Variants in MGAT4C observed in about 807,000 individuals in gnomAD.
MGAT4C encodes MGAT4 family member C.
In MGAT4C, 19 loss-of-function variants were observed where a neutral mutation model predicts 40.1. That is an observed-to-expected ratio of 0.47 (90% confidence interval 0.33 to 0.70). MGAT4C has a LOEUF of 0.70. Among genes scored for constraint, MGAT4C ranks in the 30% least tolerant of loss-of-function variants. MGAT4C has a pLI of 0.02. For synonymous variants in MGAT4C, 181 were observed against 187.1 expected, an observed-to-expected ratio of 0.97 and a Z score of 0.27; for missense variants, 491 against 563.2, an observed-to-expected ratio of 0.87 and a Z score of 1.30.
chr12:86,601,557 C>T (rs1459744231), intron 2 of MGAT4C, among the ~76,000 whole-genome samples: 1 of 152,070 alleles, frequency 6.6e-6, no homozygotes, highest in African/African-American at 2.4e-5. Flanking sequence ...CCTTGCTCAC[C>T]CTCCAATTGT....
intron 1 of MGAT4C, among the ~76,000 whole-genome samples, chr12:86,103,999 C>G (rs1875627893): frequency 6.6e-6 from 1 of 151,968 alleles, no homozygotes; most frequent in Non-Finnish European, 1.5e-5. Context: ...TAAAAGACCT[C>G]AAAAAGTAAA....
chr12:86,347,166 T>A (rs1955054810), intron 3 of MGAT4C, among the ~76,000 whole-genome samples: 1 of 152,148 alleles, frequency 6.6e-6, no homozygotes, highest in African/African-American at 2.4e-5. Context: ...GAGTCAATTC[T>A]CCATAACAAA....
chr12:86,168,878 C>T (rs1168147140), intron 1 of MGAT4C, among the ~76,000 whole-genome samples: 1 of 152,056 alleles, frequency 6.6e-6, no homozygotes, highest in African/African-American at 2.4e-5. Flanking sequence ...GGTCCCGTAC[C>T]ATTACAGCTT....
intron 1 of MGAT4C, among the ~76,000 whole-genome samples, chr12:86,772,639 C>CT (rs5799794): frequency 0.077 from 906 of 11,792 alleles, 14 homozygotes; most frequent in African/African-American, 0.11. Flanking sequence ...CCATGATGGT[C>CT]CAGAGGACTT....
chr12:86,792,130 C>T (rs35741311), intron 1 of MGAT4C, among the ~76,000 whole-genome samples: 14,700 of 152,132 alleles, frequency 0.097, 979 homozygotes, highest in Non-Finnish European at 0.14. Flanking sequence ...TTCTTACAGT[C>T]AGGTAAAATC....
chr12:86,583,669 A>T (rs921691291), intron 2 of MGAT4C, among the ~76,000 whole-genome samples: 4 of 151,230 alleles, frequency 2.6e-5, no homozygotes, highest in African/African-American at 9.7e-5. Flanking sequence ...ATTACAGCTT[A>T]TTTAAGCAGT....
intron 1 of MGAT4C, among the ~76,000 whole-genome samples, chr12:86,058,011 A>G (rs1893569140): frequency 6.6e-6 from 1 of 152,106 alleles, no homozygotes; most frequent in Non-Finnish European, 1.5e-5. Flanking sequence ...CTACATTACC[A>G]CACTTCTTTG....
At chr12:86,704,019 A>G (rs1950409801) in intron 2 of MGAT4C, among the ~76,000 whole-genome samples, 1 of 152,174 alleles carries the variant, frequency 6.6e-6, no homozygotes, top group Admixed American at 6.6e-5. Flanking sequence ...TAAAGTAACC[A>G]AGGACAGTAT....
chr12:86,107,897 T>G (rs1326015824), intron 1 of MGAT4C, among the ~76,000 whole-genome samples: 1 of 152,122 alleles, frequency 6.6e-6, no homozygotes. Context: ...TCACAAATGT[T>G]ACTGTGGAAA....
chr12:86,769,772 A>T (rs559345098), intron 1 of MGAT4C, among the ~76,000 whole-genome samples: 7 of 152,262 alleles, frequency 4.6e-5, no homozygotes, highest in Non-Finnish European at 1.0e-4. Flanking sequence ...AGGACAAAAA[A>T]CCAAACACCG....
intron 1 of MGAT4C, among the ~76,000 whole-genome samples, chr12:86,248,026 C>T (rs540572679): frequency 6.6e-6 from 1 of 152,192 alleles, no homozygotes; most frequent in East Asian, 1.9e-4. Context: ...TATTCAAAGG[C>T]TCTTTGATTC....
intron 2 of MGAT4C, among the ~76,000 whole-genome samples, chr12:86,609,269 CTGTT>C (rs1417728404): frequency 6.6e-6 from 1 of 152,064 alleles, no homozygotes; most frequent in African/African-American, 2.4e-5. Context: ...AAGGACATGA[CTGTT>C]TGCAAAGTTA....
intron 1 of MGAT4C, among the ~76,000 whole-genome samples, chr12:86,218,703 T>C (rs1266880704): frequency 6.6e-6 from 1 of 152,098 alleles, no homozygotes; most frequent in Non-Finnish European, 1.5e-5. Flanking sequence ...GAACAAGAAT[T>C]ATTTGATTAC....
At chr12:86,688,710 A>T (rs749473897) in intron 2 of MGAT4C, among the ~76,000 whole-genome samples, 8 of 152,060 alleles carry the variant, frequency 5.3e-5, no homozygotes, top group Non-Finnish European at 1.2e-4. Flanking sequence ...CTACAGAGAG[A>T]TCTGCTGTTA....
At chr12:86,581,559 A>G (rs1043169584) in intron 2 of MGAT4C, among the ~76,000 whole-genome samples, 1 of 151,490 alleles carries the variant, frequency 6.6e-6, no homozygotes, top group Admixed American at 6.6e-5. Context: ...TGATCTTTTC[A>G]TAAGTGAGTG....
chr12:86,357,746 G>T (rs1480545551), intron 3 of MGAT4C, among the ~76,000 whole-genome samples: 1 of 152,062 alleles, frequency 6.6e-6, no homozygotes, highest in African/African-American at 2.4e-5. Flanking sequence ...AAGATCAAAT[G>T]AATGAAATGA....
chr12:86,804,264 A>T (rs1418777983), intron 1 of MGAT4C, among the ~76,000 whole-genome samples: 1 of 109,784 alleles, frequency 9.1e-6, no homozygotes, highest in Non-Finnish European at 1.8e-5. Context: ...TGGGGACTGT[A>T]GTGGGGTGGG....
At chr12:86,332,623 A>C (rs17288772) in intron 4 of MGAT4C, among the ~76,000 whole-genome samples, 12,942 of 151,538 alleles carry the variant, frequency 0.085, 766 homozygotes, top group Middle Eastern at 0.22. Context: ...CGTAATTGGG[A>C]AAAATCTTTA....
rs534967094 is a variant in MGAT4C at position 86,411,890 on chromosome 12, A to G, written c.-120+23267T>C. ...CCTCACTACTCTGTACAACCTTGGG[A>G]CACCGCTCCCTGCATCTCAGCTGCT... On this transcript the variant is annotated intron_variant, in intron 3 of 7. Transcript: ENST00000548651. Among the ~76,000 whole-genome samples, 387 of 152,150 alleles carry G rather than the reference A, an allele frequency of 2.5e-3. 1 individual carries two copies. The highest frequency in any genetic ancestry group is 4.4e-3 in the Non-Finnish European group (298 of 68,004).
Sources: allele counts gnomAD v4.1 joint callset (sites outside exome capture counted in the v4.1 genomes callset), GRCh38; gene constraint gnomAD v4.1.1; transcripts MANE v1.5; gene names NCBI Gene and HGNC (gene_info 2026-07-23, HGNC 2026-07-21).